Variants in DNASE1 observed in about 807,000 individuals in gnomAD.
DNASE1 encodes the protein deoxyribonuclease-1.
A neutral mutation model predicts 33.9 loss-of-function variants in DNASE1; 40 were observed. The ratio of observed to expected loss-of-function variants is 1.18; its 90% CI spans 0.92 to 1.54. The LOEUF (loss-of-function observed/expected upper bound fraction) is 1.54. Ranked by LOEUF, DNASE1 falls within the 40% of genes most tolerant of loss-of-function variation. DNASE1 has a pLI of 0.00. For missense variants in DNASE1, 518 were observed against 372.6 expected (o/e 1.39, Z -3.21); for synonymous variants, 216 against 160.0 (o/e 1.35, Z -2.64).
Position 3,657,256 on chromosome 16 carries a change from C to A in DNASE1, c.619C>A (p.Arg207Ser), listed in dbSNP as rs148373909. The change falls in exon 7 of 9, where the codon CGC (arginine) becomes AGC (serine). Residue 207 changes from arginine (R) to serine (S), a missense_variant. By Grantham distance (110) the Arg-to-Ser change is moderately radical. Coordinates refer to ENST00000246949, the MANE Select transcript of DNASE1 (RefSeq NM_005223.4). ...YVRPSQWSSI[R>S]LWTSPTFQWL... ...GAGACCCTCCCAGTGGTCATCCATC[C>A]GCCTGTGGACAAGCCCCACCTTCCA... 1 of 1,614,008 alleles carries A rather than the reference C, an allele frequency of 6.2e-7. No homozygotes were observed. The highest frequency in any genetic ancestry group is 8.5e-7 in the Non-Finnish European group (1 of 1,180,028).
intron 1 of DNASE1, among the ~76,000 whole-genome samples, chr16:3,624,094 T>C (rs932317499): frequency 6.6e-6 from 1 of 151,936 alleles, no homozygotes; most frequent in Non-Finnish European, 1.5e-5. Context: ...CTGGCCAACA[T>C]GGTGAAACCC....
At chr16:3,662,809 T>G, downstream of DNASE1, 1 of 1,475,974 alleles carries the variant, frequency 6.8e-7, no homozygotes. Context: ...GGCCAGGTAC[T>G]GGGAGCCACC....
At chr16:3,662,676 C>T (rs1313230190), downstream of DNASE1, 1 of 693,734 alleles carries the variant, frequency 1.4e-6, no homozygotes, top group Non-Finnish European at 2.6e-6. Flanking sequence ...TGGAGCAGGG[C>T]TGGGAGAAAG....
intron 1 of DNASE1, among the ~76,000 whole-genome samples, chr16:3,633,267 T>C (rs564203008): frequency 1.4e-4 from 22 of 152,324 alleles, no homozygotes; most frequent in African/African-American, 5.1e-4. Flanking sequence ...TATGATTACA[T>C]TTTTTCCTCT....
intron 2 of DNASE1, 138 bp from the exon 3 acceptor site, chr16:3,655,711 G>A: frequency 7.2e-7 from 1 of 1,385,284 alleles, no homozygotes; most frequent in South Asian, 1.2e-5. Flanking sequence ...CTGGCTGGCA[G>A]CAGGAGCCCA....
chr16:3,619,851 A>G (rs935698324), intron 1 of DNASE1, among the ~76,000 whole-genome samples: 4 of 151,292 alleles, frequency 2.6e-5, no homozygotes, highest in South Asian at 4.2e-4. Flanking sequence ...TTACAGCTCT[A>G]CTAAATATTT....
At chr16:3,662,707 C>A (rs529349755), downstream of DNASE1, 2 of 706,174 alleles carry the variant, frequency 2.8e-6, no homozygotes, top group South Asian at 3.0e-5. Flanking sequence ...CCTGCCTCAG[C>A]GGCACTCCCG....
intron 1 of DNASE1, among the ~76,000 whole-genome samples, chr16:3,630,919 A>G (rs2041676420): frequency 6.6e-6 from 1 of 152,126 alleles, no homozygotes; most frequent in South Asian, 2.1e-4. Context: ...CCACGTTGCC[A>G]ATCTCTGTCT....
exon 10 of DNASE1, chr16:3,663,589 C>G: frequency 1.2e-6 from 2 of 1,612,550 alleles, no homozygotes; most frequent in South Asian, 2.2e-5. Context: ...GCAGCTCCAT[C>G]AGACCCCGGG....
At chr16:3,622,867 T>G (rs1046577285) in intron 1 of DNASE1, among the ~76,000 whole-genome samples, 14 of 152,252 alleles carry the variant, frequency 9.2e-5, no homozygotes, top group African/African-American at 3.1e-4. Flanking sequence ...CTTTACGTTC[T>G]CTTAATGATG....
At chr16:3,623,019 C>T (rs549114473) in intron 1 of DNASE1, among the ~76,000 whole-genome samples, 5 of 152,202 alleles carry the variant, frequency 3.3e-5, no homozygotes, top group African/African-American at 1.2e-4. Context: ...TAGTAAGACT[C>T]CATCTCTAAT....
chr16:3,657,190 G>A lies in DNASE1; in HGVS notation c.553G>A (p.Val185Ile), dbSNP rs74892550. Residue 185 changes from valine (V) to isoleucine (I), a missense_variant, in exon 7 of 9, where the codon GTC (valine) becomes ATC (isoleucine). Physicochemically the swap from Val to Ile is conservative, Grantham distance 29 (BLOSUM62 3). Coordinates refer to ENST00000246949, the MANE Select transcript of DNASE1 (RefSeq NM_005223.4). Reference sequence around the variant, plus strand: ...CACAGGCAGCGTTTCCTGGTAGGACGTCATGTTGATGGGCGACTTCAATGC... The same window carrying A: ...CACAGGCAGCGTTTCCTGGTAGGACATCATGTTGATGGGCGACTTCAATGC... Reference protein sequence around the residue: ...DVQEKWGLEDVMLMGDFNAGC... With the variant: ...DVQEKWGLEDIMLMGDFNAGC... The A allele has an allele frequency of 5.7e-3, 9,143 of 1,614,106 alleles. 38 individuals carry two copies. Among genetic ancestry groups the A allele is most frequent in the Non-Finnish European group, 6.7e-3 (7,901 of 1,180,018 alleles).
intron 1 of DNASE1, among the ~76,000 whole-genome samples, chr16:3,618,695 C>G (rs2041194202): frequency 6.6e-6 from 1 of 152,180 alleles, no homozygotes; most frequent in African/African-American, 2.4e-5. Flanking sequence ...TGCCATTGCA[C>G]TCCAGCCTGG....
chr16:3,659,060 G>A (rs2042909543), downstream of DNASE1: 1 of 590,968 alleles, frequency 1.7e-6, no homozygotes, highest in Non-Finnish European at 2.9e-6. Context: ...AGGAGTGTCA[G>A]TATTAGAAAA....
chr16:3,631,906 T>G (rs1044168845), intron 1 of DNASE1, among the ~76,000 whole-genome samples: 1 of 152,236 alleles, frequency 6.6e-6, no homozygotes, highest in Non-Finnish European at 1.5e-5. Flanking sequence ...TTTTTCTTTT[T>G]GTAGTAACAT....
rs577642250 is a variant in DNASE1 at position 3,619,281 on chromosome 16, C to T, written c.-1359+7275C>T. Among the ~76,000 whole-genome samples the T allele has an allele frequency of 5.9e-5, 9 of 152,290 alleles. No individual in the cohort carries two copies. The South Asian group carries it at 1.9e-3, about 32-fold the overall frequency. On this transcript the variant is annotated intron_variant and NMD_transcript_variant, in intron 1 of 11. Transcript: ENST00000570769. ...AAACTCCTGCGCTCAAGTGATCTGC[C>T]CACCTTGGCCTCCCAAAGTGCTGGG...
At chr16:3,632,475 C>G (rs765455567) in intron 1 of DNASE1, among the ~76,000 whole-genome samples, 1 of 152,048 alleles carries the variant, frequency 6.6e-6, no homozygotes, top group Non-Finnish European at 1.5e-5. Context: ...TTTTTCTATC[C>G]CTGATAATTT....
At chr16:3,622,213 GA>G (rs56171298) in intron 1 of DNASE1, among the ~76,000 whole-genome samples, 10,542 of 68,210 alleles carry the variant, frequency 0.15, 320 homozygotes, top group African/African-American at 0.19. Context: ...GAGCAAGACT[GA>G]AAAAAAAAAA....
At chr16:3,645,701 C>T (rs1022149205) in intron 1 of DNASE1, among the ~76,000 whole-genome samples, 2 of 152,184 alleles carry the variant, frequency 1.3e-5, no homozygotes, top group Admixed American at 1.3e-4. Flanking sequence ...CGGTCTGCTG[C>T]CTGCTGCCTG....
Sources: gnomAD v4.1 joint callset for allele counts (sites outside exome capture counted in the v4.1 genomes callset) on GRCh38, gnomAD v4.1.1 for gene constraint, MANE v1.5 for transcripts, NCBI Gene and HGNC (gene_info 2026-07-23, HGNC 2026-07-21) for gene names.